The following PHKA2 variants were observed in gnomAD, a reference collection of about 807,000 sequenced individuals.
The protein encoded by PHKA2 is phosphorylase b kinase regulatory subunit alpha, liver isoform.
PHKA2 carries 31 observed loss-of-function variants against 102.0 expected under a neutral mutation model. The observed-to-expected ratio is 0.30, with a 90% CI of 0.23 to 0.41. PHKA2 has a LOEUF of 0.41. Ranked by LOEUF, PHKA2 falls within the 10% of genes least tolerant of loss-of-function variation. The probability of loss-of-function intolerance (pLI) is 1.00; values close to 1 mark genes in which losing one functional copy is unlikely to be tolerated. For synonymous variants in PHKA2, 455 were observed against 416.2 expected (o/e 1.09, Z -1.13); for missense variants, 858 against 1,023.1 (o/e 0.84, Z 2.20).
At chrX:18,905,110 G>A (rs1022398600) in intron 26 of PHKA2, among the ~76,000 whole-genome samples, 6 of 111,850 alleles carry the variant, frequency 5.4e-5, no homozygotes, top group African/African-American at 1.9e-4. Flanking sequence ...CAAACCAAAG[G>A]GCAGGATGCT....
chrX:18,920,217 C>A lies in PHKA2; in HGVS notation c.1794-16G>T. On this transcript the variant is annotated splice_polypyrimidine_tract_variant and intron_variant, in intron 17 of 32. Coordinates refer to ENST00000379942, the MANE Select transcript of PHKA2 (RefSeq NM_000292.3). Reference sequence around the variant, plus strand: ...TAATTTTACTCTGCCAAGAAGACACCGTGTTAGGGACACAGGTAGTGTGTG... The same window carrying A: ...TAATTTTACTCTGCCAAGAAGACACAGTGTTAGGGACACAGGTAGTGTGTG... The A allele has an allele frequency of 3.6e-6, 3 of 833,282 alleles. No individual in the cohort carries two copies. The highest frequency in any genetic ancestry group is 5.5e-6 in the Non-Finnish European group (3 of 550,447). 68.7% of individuals were successfully genotyped at this position (833,282 alleles called of 1,213,427 possible).
rs1338735025 is a variant in PHKA2, at chrX:18,942,231, A to G, written c.718-556T>C. 2.7e-5 allele frequency among the ~76,000 whole-genome samples: 3 copies of G among 111,978 alleles called. No homozygotes were observed. The Admixed American group carries it at 2.8e-4, about 11-fold the overall frequency. On this transcript the variant is annotated intron_variant, in intron 7 of 32. Coordinates refer to ENST00000379942, the MANE Select transcript of PHKA2 (RefSeq NM_000292.3). ...AATCTTTCTAGGGTTACTTAGAGGC[A>G]CTATAATATGGCCTCAATTATAAAT...
intron 26 of PHKA2, among the ~76,000 whole-genome samples, chrX:18,904,460 T>C (rs1031084011): frequency 8.9e-6 from 1 of 112,678 alleles, no homozygotes; most frequent in Non-Finnish European, 1.9e-5. Context: ...TCAAATGACA[T>C]TACTCAGTTC....
chrX:18,913,638 C>A (rs2047968461), intron 19 of PHKA2, among the ~76,000 whole-genome samples: 1 of 111,475 alleles, frequency 9.0e-6, no homozygotes, highest in African/African-American at 3.3e-5. Flanking sequence ...ACTCCTGACC[C>A]ACCCACCTGG....
intron 19 of PHKA2, among the ~76,000 whole-genome samples, chrX:18,916,193 T>C (rs780377178): frequency 2.7e-5 from 3 of 112,322 alleles, no homozygotes; most frequent in Admixed American, 9.4e-5. Context: ...AGAGGGCAGA[T>C]TGCCTGAGGT....
chrX:18,918,592 T>C, intron 19 of PHKA2, 89 bp downstream of exon 19: 2 of 932,775 alleles, frequency 2.1e-6, no homozygotes, highest in Non-Finnish European at 3.1e-6. Flanking sequence ...TTTGTTGTCT[T>C]CTAGGATTCT....
chrX:18,938,326 T>C (rs979369888), intron 10 of PHKA2, among the ~76,000 whole-genome samples: 1 of 113,196 alleles, frequency 8.8e-6, no homozygotes, highest in Non-Finnish European at 1.9e-5. Context: ...CCAGCATCAA[T>C]TGGCCATGTG....
At chrX:18,947,195 C>T (rs1304555413) in intron 5 of PHKA2, among the ~76,000 whole-genome samples, 3 of 112,178 alleles carry the variant, frequency 2.7e-5, no homozygotes, top group African/African-American at 6.5e-5. Flanking sequence ...CAAGTAGCTG[C>T]GACAGAGACC....
rs768539110 is a variant in PHKA2, at chrX:18,936,137, C to T, written c.1055G>A (p.Arg352Gln). Residue 352 changes from arginine (R) to glutamine (Q), a missense_variant, in exon 11 of 33, where the codon CGA (arginine) becomes CAA (glutamine). By Grantham distance (43) the Arg-to-Gln change is conservative. Around this residue, in one of 2 missense-constraint regions of PHKA2, gnomAD observed 671 missense variants for 745.2 expected, o/e 0.90. Coordinates refer to ENST00000379942, the MANE Select transcript of PHKA2 (RefSeq NM_000292.3). ...GATGAGTATTCCCTCCAGGGCCTCTCGGTATTCTTGGACCTGGAAAACAGC... is the reference window on the plus strand; with the variant it reads ...GATGAGTATTCCCTCCAGGGCCTCTTGGTATTCTTGGACCTGGAAAACAGC... ...SGDAVQVQEY[R>Q]EALEGILIRG... 1.9e-5 allele frequency: 23 copies of T among 1,194,729 alleles called. No homozygotes were observed. The highest frequency in any genetic ancestry group is 4.6e-4 in the Middle Eastern group (2 of 4,341).
chrX:18,951,814 A>G (rs1329340887), intron 3 of PHKA2, among the ~76,000 whole-genome samples: 1 of 111,293 alleles, frequency 9.0e-6, no homozygotes, highest in Non-Finnish European at 1.9e-5. Context: ...CTAAACAATA[A>G]TATCAAGTTT....
At chrX:18,894,628 C>CCCTT (rs2047499919) in intron 31 of PHKA2, 2 of 448,807 alleles carry the variant, frequency 4.5e-6, no homozygotes, top group Non-Finnish European at 3.9e-6. Context: ...GATTTATCTA[C>CCCTT]CCTTCCCCCC....
chrX:18,901,839 G>A (rs1400721504), intron 26 of PHKA2, among the ~76,000 whole-genome samples: 1 of 109,894 alleles, frequency 9.1e-6, no homozygotes. Flanking sequence ...CCGACACAGT[G>A]AGATATGTTT....
chrX:18,916,728 C>T (rs2048025746), intron 19 of PHKA2, among the ~76,000 whole-genome samples: 1 of 111,990 alleles, frequency 8.9e-6, no homozygotes, highest in Non-Finnish European at 1.9e-5. Context: ...TGACTGGAAG[C>T]TTCCTGAGGC....
Position 18,895,204 on chromosome X carries a change from T to G in PHKA2, c.3283-13A>C. On this transcript the variant is annotated splice_polypyrimidine_tract_variant and intron_variant, in intron 30 of 32. Coordinates refer to ENST00000379942, the MANE Select transcript of PHKA2 (RefSeq NM_000292.3). The stretch of plus-strand genomic sequence containing the variant: ...AGAGACCGTGGCACTGGAGGCAGAA[T>G]AGAGCGCATTTCAGTCAGATTCCAG... 1.7e-6 allele frequency: 2 copies of G among 1,205,185 alleles called. No homozygotes were observed. The highest frequency in any genetic ancestry group is 2.2e-6 in the Non-Finnish European group (2 of 889,856).
At chrX:18,897,485 G>A (rs1014621855) in intron 29 of PHKA2, 152 bp from the exon 30 acceptor site, 1 of 491,952 alleles carries the variant, frequency 2.0e-6, no homozygotes, top group Admixed American at 3.7e-5. Context: ...CACCTTGTCT[G>A]TTTCCTCATG....
chrX:18,893,233 T>C lies in PHKA2; in HGVS notation c.*252A>G. 2.4e-6 allele frequency: 1 copy of C among 420,577 alleles called. No homozygotes were observed. Among genetic ancestry groups the C allele is most frequent in the Non-Finnish European group, 4.2e-6 (1 of 239,427 alleles). The allele number at this position is 420,577 out of a possible 1,213,427, so 34.7% of individuals were successfully genotyped here. ...CCGTGAGACCAGATGCTACAGCAAA[T>C]GTTCCAGAGAAATGAACCTAGAAAA... On this transcript the variant is annotated 3_prime_UTR_variant, in exon 33 of 33. Transcript: ENST00000379942.
At position 18,970,062 on chromosome X, in the gene PHKA2, C is replaced by T. The variant is rs888422668; in HGVS notation, c.78+13793G>A. ...CGAGACCAGACTGGGCAATACAGTGCGACCTCGTTTCCACAAAAAATAAAA... is the reference window on the plus strand; with the variant it reads ...CGAGACCAGACTGGGCAATACAGTGTGACCTCGTTTCCACAAAAAATAAAA... On this transcript the variant is annotated intron_variant, in intron 1 of 32. Transcript: ENST00000379942. 2.7e-5 allele frequency among the ~76,000 whole-genome samples: 3 copies of T among 109,738 alleles called. No individual in the cohort carries two copies. In the Admixed American group the frequency reaches 2.9e-4, roughly 11 times the overall value.
intron 1 of PHKA2, among the ~76,000 whole-genome samples, chrX:18,967,670 C>A (rs2048963670): frequency 9.6e-6 from 1 of 103,671 alleles, no homozygotes; most frequent in Non-Finnish European, 2.0e-5. Context: ...TTAATATAGC[C>A]TTATTTAAAA....
At chrX:18,958,021 G>A (rs1409484704) in intron 1 of PHKA2, among the ~76,000 whole-genome samples, 2 of 109,910 alleles carry the variant, frequency 1.8e-5, no homozygotes, top group Non-Finnish European at 3.8e-5. Flanking sequence ...CACCATGCAT[G>A]GCTAATTTTT....
Sources: gnomAD v4.1 joint callset for allele counts (sites outside exome capture counted in the v4.1 genomes callset) on GRCh38, gnomAD v4.1.1 for gene constraint, gnomAD v4.1.1 regional missense constraint, MANE v1.5 for transcripts, NCBI Gene and HGNC (gene_info 2026-07-23, HGNC 2026-07-21) for gene names.